Variants in SLC9A5 observed in about 807,000 individuals in gnomAD.
SLC9A5 encodes the protein solute carrier family 9 member A5.
SLC9A5 carries 52 observed loss-of-function variants against 91.7 expected under a neutral mutation model. That is an observed-to-expected ratio of 0.57 (90% confidence interval 0.45 to 0.71). The LOEUF (loss-of-function observed/expected upper bound fraction) is 0.71. Ranked by LOEUF, SLC9A5 falls within the 30% of genes least tolerant of loss-of-function variation. The probability of loss-of-function intolerance (pLI) is 0.00; values close to 1 mark genes in which losing one functional copy is unlikely to be tolerated. For synonymous variants in SLC9A5, 419 were observed against 474.5 expected, an observed-to-expected ratio of 0.88 and a Z score of 1.52; for missense variants, 871 against 1,158.9, an observed-to-expected ratio of 0.75 and a Z score of 3.61.
At chr16:67,267,081 GTTTTTTTTTTT>G (rs980874306) in intron 15 of SLC9A5, among the ~76,000 whole-genome samples, 1 of 47,760 alleles carries the variant, frequency 2.1e-5, no homozygotes, top group South Asian at 8.8e-4. Flanking sequence ...CCCAGCTGTT[GTTTTTTTTTTT>G]TTTTTTTTTT....
At chr16:67,262,855 A>G (rs2035576584) in intron 12 of SLC9A5, 1 of 154,740 alleles carries the variant, frequency 6.5e-6, no homozygotes, top group Admixed American at 6.3e-5. Context: ...CCTGGCCAGC[A>G]CCTAGGCAGA....
chr16:67,271,327 T>C lies in SLC9A5; in HGVS notation c.*117T>C. 5 of 889,374 alleles carry C rather than the reference T, an allele frequency of 5.6e-6. No individual in the cohort carries two copies. In the South Asian group the frequency reaches 6.3e-5, roughly 11 times the overall value. The allele number at this position is 889,374 out of a possible 1,614,324, so 55.1% of individuals were successfully genotyped here. ...AGAAGGGCCTGGGTTGAAGTAGTAATTGGGCTTCCTTGGAGCTAGTCAGAG... is the reference window on the plus strand; with the variant it reads ...AGAAGGGCCTGGGTTGAAGTAGTAACTGGGCTTCCTTGGAGCTAGTCAGAG... On this transcript the variant is annotated 3_prime_UTR_variant, in exon 16 of 16. Coordinates refer to ENST00000299798, the MANE Select transcript of SLC9A5 (RefSeq NM_004594.3).
chr16:67,255,883 C>T lies in SLC9A5; in HGVS notation c.864C>T (p.Tyr288=), dbSNP rs774471565. ...IEPLLVFLLA[Y]AAYLTAEMAS... is the part of the protein sequence containing the mutation. ...CGCTGCTGGTCTTCCTCCTCGCCTA[C>T]GCAGCCTACCTCACTGCTGAAATGG... The change falls in exon 5 of 16, where the codon TAC becomes TAT. Residue 288 remains tyrosine (Y), a synonymous_variant. Transcript: ENST00000299798. The surrounding 1 kb of genome is among the most constrained non-coding windows in gnomAD (Gnocchi z 4.9). The T allele has an allele frequency of 1.1e-5, 17 of 1,613,774 alleles. No homozygotes were observed. The highest frequency in any genetic ancestry group is 5.3e-5 in the African/African-American group (4 of 75,052).
chr16:67,270,065 C>G lies in SLC9A5; in HGVS notation c.2219-673C>G, dbSNP rs895644959. ...TCTCTGGTGGCTGGCGTTTCTCCCT[C>G]GCTGGTTGGCTGGGATGGGGCTTGG... On this transcript the variant is annotated intron_variant, in intron 15 of 15. Coordinates refer to ENST00000299798, the MANE Select transcript of SLC9A5 (RefSeq NM_004594.3). The surrounding 1 kb of genome is among the most constrained non-coding windows in gnomAD (Gnocchi z 4.3). 6.6e-6 allele frequency among the ~76,000 whole-genome samples: 1 copy of G among 152,146 alleles called. No individual in the cohort carries two copies. Among genetic ancestry groups the G allele is most frequent in the Non-Finnish European group, 1.5e-5 (1 of 68,032 alleles).
intron 14 of SLC9A5, 104 bp from the exon 15 acceptor site, chr16:67,265,981 CCAA>C: frequency 1.4e-6 from 2 of 1,440,302 alleles, no homozygotes; most frequent in African/African-American, 2.9e-5. Context: ...AGTGTCTCTG[CCAA>C]CGTGTGTTCT....
Position 67,271,120 on chromosome 16 carries a change from C to T in SLC9A5, c.2601C>T (p.Pro867=). Residue 867 remains proline (P), a synonymous_variant, in exon 16 of 16, where the codon CCC becomes CCT. Coordinates refer to ENST00000299798, the MANE Select transcript of SLC9A5 (RefSeq NM_004594.3). ...ADLPQQQELQ[P]LMGHKDHTHL... is the part of the protein sequence containing the mutation. ...TCCCCCAGCAGCAGGAGCTGCAGCC[C>T]CTCATGGGCCACAAGGACCACACCC... The T allele has an allele frequency of 1.2e-6, 2 of 1,613,776 alleles. No homozygotes were observed. The highest frequency in any genetic ancestry group is 1.7e-6 in the Non-Finnish European group (2 of 1,180,016).
rs774347553 is a variant in SLC9A5, at chr16:67,255,757, C to G, written c.738C>G (p.Ser246=). 1.3e-6 allele frequency: 2 copies of G among 1,570,440 alleles called. No individual in the cohort carries two copies. The highest frequency in any genetic ancestry group is 3.7e-5 in the Admixed American group (2 of 54,276). Residue 246 remains serine (S), a synonymous_variant, in exon 5 of 16, where the codon TCC becomes TCG. Transcript: ENST00000299798. This position sits in a 1 kb window ranked among gnomAD's most constrained non-coding sequence, Gnocchi z 4.9. ...GACAACCCACTCCTCCCCCAGCCTC[C>G]CTGTTTGTGGTCAGTCTGGGCGGGG... ...QATDYLKGVA[S]LFVVSLGGAA...
Position 67,256,328 on chromosome 16 carries a change from C to G in SLC9A5, c.912-141C>G. The G allele has an allele frequency of 1.5e-6, 1 of 652,238 alleles. No individual in the cohort carries two copies. The highest frequency in any genetic ancestry group is 2.4e-5 in the Admixed American group (1 of 41,736). The allele number at this position is 652,238 out of a possible 1,614,324, so 40.4% of individuals were successfully genotyped here. A position where few individuals can be genotyped will look rare whatever the true frequency, so the allele number is the denominator to read the frequency against. ...CTTAGCCCAGCACTACCATTCAAGT[C>G]TTCAGGCCTCCCTGGGCTTCAGCTC... is the stretch of plus-strand genomic sequence containing the variant. On this transcript the variant is annotated intron_variant, in intron 5 of 15. Coordinates refer to ENST00000299798, the MANE Select transcript of SLC9A5 (RefSeq NM_004594.3). This position sits in a 1 kb window ranked among gnomAD's most constrained non-coding sequence, Gnocchi z 4.1.
chr16:67,255,597 G>A lies in SLC9A5; in HGVS notation c.733+126G>A. On this transcript the variant is annotated intron_variant, in intron 4 of 15. Coordinates refer to ENST00000299798, the MANE Select transcript of SLC9A5 (RefSeq NM_004594.3). This position sits in a 1 kb window ranked among gnomAD's most constrained non-coding sequence, Gnocchi z 4.9. ...GCCTCATCTCCTCTATAGAGAAATG[G>A]GGTCTGGGAGGGGCTTGCCAGGGAT... is the stretch of plus-strand genomic sequence containing the variant. The A allele has an allele frequency of 7.8e-7, 1 of 1,277,656 alleles. No individual in the cohort carries two copies. Among genetic ancestry groups the A allele is most frequent in the Non-Finnish European group, 1.1e-6 (1 of 898,788 alleles). The allele number at this position is 1,277,656 out of a possible 1,614,324, so 79.1% of individuals were successfully genotyped here.
Position 67,259,640 on chromosome 16 carries a change from A to C in SLC9A5, c.1694A>C (p.Glu565Ala). 4 of 1,614,172 alleles carry C rather than the reference A, an allele frequency of 2.5e-6. No homozygotes were observed. The highest frequency in any genetic ancestry group is 3.4e-6 in the Non-Finnish European group (4 of 1,180,038). ...ATGCCCAGCCGCAATTCTGTGGCAGAAACTTCTGTCACCAACCTGCTGTGA... is the reference window on the plus strand; with the variant it reads ...ATGCCCAGCCGCAATTCTGTGGCAGCAACTTCTGTCACCAACCTGCTGTGA... ...PSMPSRNSVA[E>A]TSVTNLLRES... The change falls in exon 11 of 16, where the codon GAA (glutamate) becomes GCA (alanine). Residue 565 changes from glutamate (E) to alanine (A), a missense_variant. Glu to Ala is a moderately radical substitution (Grantham distance 107). Coordinates refer to ENST00000299798, the MANE Select transcript of SLC9A5 (RefSeq NM_004594.3).
rs2035625619 is a variant in SLC9A5 at position 67,264,289 on chromosome 16, C to CTGGT, written c.1843-60_1843-59insTTGG. 3 of 1,480,380 alleles carry CTGGT rather than the reference C, an allele frequency of 2.0e-6. No homozygotes were observed. In the Admixed American group the frequency reaches 5.3e-5, roughly 26 times the overall value. 91.7% of individuals were successfully genotyped at this position (1,480,380 alleles called of 1,614,324 possible). On this transcript the variant is annotated intron_variant, in intron 12 of 15. Coordinates refer to ENST00000299798, the MANE Select transcript of SLC9A5 (RefSeq NM_004594.3). The stretch of plus-strand genomic sequence containing the variant: ...GTGGTGAATATGTTGGGGCTGTGGC[C>CTGGT]TGGGGTTCTTGTGGGAGGCCAAGGC...
In SLC9A5 at chr16:67,257,202, G is replaced by A. The variant is rs556895044; in HGVS notation, c.1335+89G>A. On this transcript the variant is annotated intron_variant, in intron 7 of 15. Coordinates refer to ENST00000299798, the MANE Select transcript of SLC9A5 (RefSeq NM_004594.3). The surrounding 1 kb of genome is among the most constrained non-coding windows in gnomAD (Gnocchi z 5.1). ...CTGTGGGACAGGGGCTTCTCTTCCC[G>A]CTGGGAGATGGAGGGCCCTGACTTC... 379 of 1,424,758 alleles carry A rather than the reference G, an allele frequency of 2.7e-4. No homozygotes were observed. The highest frequency in any genetic ancestry group is 3.5e-4 in the Non-Finnish European group (362 of 1,032,582). 88.3% of individuals were successfully genotyped at this position (1,424,758 alleles called of 1,614,324 possible). A position where few individuals can be genotyped will look rare whatever the true frequency, so the allele number is the denominator to read the frequency against.
At position 67,256,409 on chromosome 16, in the gene SLC9A5, C is replaced by G. The variant is rs1184988602; in HGVS notation, c.912-60C>G. The G allele has an allele frequency of 8.2e-7, 1 of 1,223,310 alleles. No individual in the cohort carries two copies. The highest frequency in any genetic ancestry group is 1.7e-5 in the Admixed American group (1 of 59,290). 75.8% of individuals were successfully genotyped at this position (1,223,310 alleles called of 1,614,324 possible). ...CCCCCTCCTGCAGTATGCTCAAACC[C>G]TGGAGGCTGAGCCCCCTGGAACCCT... On this transcript the variant is annotated intron_variant, in intron 5 of 15. Transcript: ENST00000299798. This position sits in a 1 kb window ranked among gnomAD's most constrained non-coding sequence, Gnocchi z 4.1.
At chr16:67,268,674 ATATATATATATATATAT>A (rs369088838) in intron 15 of SLC9A5, among the ~76,000 whole-genome samples, 8,111 of 58,636 alleles carry the variant, frequency 0.14, 1,334 homozygotes, top group African/African-American at 0.37. Flanking sequence ...ATATATATAT[ATATATATATATATATAT>A]ATATATATAT....
chr16:67,266,795 T>G (rs1257139231), intron 15 of SLC9A5, among the ~76,000 whole-genome samples: 1 of 151,094 alleles, frequency 6.6e-6, no homozygotes. Context: ...CCCACCTTGG[T>G]CTCCCAAAGT....
rs1204625182 is a variant in SLC9A5 at position 67,258,637 on chromosome 16, A to T, written c.1626+190A>T. On this transcript the variant is annotated intron_variant, in intron 10 of 15. Coordinates refer to ENST00000299798, the MANE Select transcript of SLC9A5 (RefSeq NM_004594.3). The surrounding 1 kb of genome is among the most constrained non-coding windows in gnomAD (Gnocchi z 4.5). Reference sequence around the variant, plus strand: ...TGCTGACATTCAGAGTCTGGCAGGCAGTCCAGAGAGGTGGGAAACAGCTGG... The same window carrying T: ...TGCTGACATTCAGAGTCTGGCAGGCTGTCCAGAGAGGTGGGAAACAGCTGG... Among the ~76,000 whole-genome samples the T allele has an allele frequency of 6.6e-6, 1 of 152,236 alleles. No homozygotes were observed. Among genetic ancestry groups the T allele is most frequent in the Non-Finnish European group, 1.5e-5 (1 of 68,042 alleles).
rs2035170528 is a variant in SLC9A5, at chr16:67,252,576, C to A, written c.222C>A (p.Val74=). The A allele has an allele frequency of 1.9e-6, 3 of 1,613,786 alleles. No homozygotes were observed. Among genetic ancestry groups the A allele is most frequent in the Non-Finnish European group, 2.5e-6 (3 of 1,179,948 alleles). Reference sequence around the variant, plus strand: ...TGTCTCGGAAAGTAACATCTCTGGTCCCTGAGAGCTGCCTGCTGATTTTGC... The same window carrying A: ...TGTCTCGGAAAGTAACATCTCTGGTACCTGAGAGCTGCCTGCTGATTTTGC... ...FHLSRKVTSL[V]PESCLLILLG... Residue 74 remains valine, a synonymous_variant, in exon 2 of 16, where the codon GTC becomes GTA. Transcript: ENST00000299798. The surrounding 1 kb of genome is among the most constrained non-coding windows in gnomAD (Gnocchi z 4.0).
Position 67,259,927 on chromosome 16 carries a change from T to C in SLC9A5, c.1823T>C (p.Leu608Pro). ...ATGCATCATCTGCTCTGCGGAGGCC[T>C]CTACAAGCCGCGCCGTAGGGTGAGA... ...AVMHHLLCGG[L>P]YKPRRRYKAS... The change falls in exon 12 of 16, where the codon CTC becomes CCC. Residue 608 changes from leucine (L) to proline (P), a missense_variant. Transcript: ENST00000299798. 1 of 1,613,988 alleles carries C rather than the reference T, an allele frequency of 6.2e-7. No homozygotes were observed. Among genetic ancestry groups the C allele is most frequent in the Non-Finnish European group, 8.5e-7 (1 of 1,179,980 alleles).
chr16:67,258,515 G>A lies in SLC9A5; in HGVS notation c.1626+68G>A. 1 of 1,588,806 alleles carries A rather than the reference G, an allele frequency of 6.3e-7. No individual in the cohort carries two copies. Among genetic ancestry groups the A allele is most frequent in the South Asian group, 1.1e-5 (1 of 90,394 alleles). On this transcript the variant is annotated intron_variant, in intron 10 of 15. Transcript: ENST00000299798. This position sits in a 1 kb window ranked among gnomAD's most constrained non-coding sequence, Gnocchi z 4.5. The stretch of plus-strand genomic sequence containing the variant: ...ATGGTCAGCAGAGCAGGACAGAAAG[G>A]GGTGGCAAGCAGGCTGGCCCTGAGC...
Sources: allele counts gnomAD v4.1 joint callset (sites outside exome capture counted in the v4.1 genomes callset), GRCh38; gene constraint gnomAD v4.1.1; non-coding constraint Gnocchi (gnomAD v3.1); transcripts MANE v1.5; gene names NCBI Gene and HGNC (gene_info 2026-07-23, HGNC 2026-07-21).